NFKB1: variants seen among roughly 807,000 people sequenced by gnomAD.
NFKB1 encodes nuclear factor NF-kappa-B p105 subunit.
A neutral mutation model predicts 105.1 loss-of-function variants in NFKB1; 9 were observed. The ratio of observed to expected loss-of-function variants is 0.09; its 90% CI spans 0.05 to 0.15. NFKB1 has a LOEUF of 0.15. NFKB1 is among the 10% of genes least tolerant of loss of function. The pLI is 1.00. For missense variants in NFKB1, 830 were observed against 1,203.7 expected, an observed-to-expected ratio of 0.69 and a Z score of 4.59; for synonymous variants, 440 against 442.2, an observed-to-expected ratio of 1.00 and a Z score of 0.06.
intron 6 of NFKB1, among the ~76,000 whole-genome samples, chr4:102,576,178 G>A (rs553865850): frequency 2.0e-5 from 3 of 152,032 alleles, no homozygotes; most frequent in Admixed American, 6.6e-5. Flanking sequence ...CCCTGTTTAC[G>A]TGTATACTTA....
intron 1 of NFKB1, among the ~76,000 whole-genome samples, chr4:102,511,344 A>G (rs1396566352): frequency 6.6e-6 from 1 of 152,258 alleles, no homozygotes; most frequent in Non-Finnish European, 1.5e-5. Context: ...GAAATCCAGA[A>G]ATTCATGGAG....
intron 6 of NFKB1, among the ~76,000 whole-genome samples, chr4:102,574,242 A>G (rs1225205212): frequency 6.6e-6 from 1 of 151,334 alleles, no homozygotes; most frequent in Non-Finnish European, 1.5e-5. Flanking sequence ...AAGCTTTATC[A>G]GAGAGACCAG....
intron 6 of NFKB1, among the ~76,000 whole-genome samples, chr4:102,573,427 C>T (rs1430857338): frequency 1.3e-5 from 2 of 151,992 alleles, no homozygotes; most frequent in Non-Finnish European, 2.9e-5. Context: ...ATCTTTGTTC[C>T]TCTGTATATA....
intron 15 of NFKB1, among the ~76,000 whole-genome samples, chr4:102,599,629 A>C (rs766542296): frequency 5.9e-5 from 9 of 152,168 alleles, no homozygotes; most frequent in Non-Finnish European, 1.3e-4. Context: ...TGCTTAAGGG[A>C]TTAAGAGATG....
intron 12 of NFKB1, 101 bp from the exon 13 acceptor site, chr4:102,594,791 C>A: frequency 1.3e-6 from 1 of 773,402 alleles, no homozygotes. Context: ...ACTGTCCTGT[C>A]ACACCAAAGG....
chr4:102,607,695 T>A lies in NFKB1; in HGVS notation c.2171T>A (p.Leu724Gln). 6.2e-7 allele frequency: 1 copy of A among 1,614,154 alleles called. No homozygotes were observed. The highest frequency in any genetic ancestry group is 8.5e-7 in the Non-Finnish European group (1 of 1,180,030). Residue 724 changes from leucine to glutamine, a missense_variant, in exon 19 of 24, where the codon CTG becomes CAG. Around this residue, in one of 8 missense-constraint regions of NFKB1, gnomAD observed 418 missense variants for 575.3 expected, o/e 0.73. Coordinates refer to ENST00000226574, the MANE Select transcript of NFKB1 (RefSeq NM_003998.4). ...ACTACCTACGATGGAACCACACCCCTGCATATAGCAGCTGGGAGAGGGTCC... is the reference window on the plus strand; with the variant it reads ...ACTACCTACGATGGAACCACACCCCAGCATATAGCAGCTGGGAGAGGGTCC... ...DSTTYDGTTP[L>Q]HIAAGRGSTR...
At chr4:102,547,515 A>T (rs143069904) in intron 5 of NFKB1, among the ~76,000 whole-genome samples, 1 of 152,286 alleles carries the variant, frequency 6.6e-6, no homozygotes, top group African/African-American at 2.4e-5. Flanking sequence ...TAGTTTTGCG[A>T]CTTGCAGTGT....
intron 15 of NFKB1, among the ~76,000 whole-genome samples, chr4:102,598,315 T>C (rs1036626409): frequency 6.6e-6 from 1 of 152,198 alleles, no homozygotes; most frequent in East Asian, 1.9e-4. Context: ...TCATTGAGAC[T>C]TCTAAAATGA....
chr4:102,510,843 GGTA>G, intron 1 of NFKB1: 1 of 751,614 alleles, frequency 1.3e-6, no homozygotes, highest in Non-Finnish European at 1.8e-6. Flanking sequence ...GGGAGGTGGT[GGTA>G]GTATGAGCTG....
At position 102,501,684 on chromosome 4, in the gene NFKB1, G is replaced by C. The variant is rs1403040269; in HGVS notation, c.-112G>C. 1 of 151,834 alleles carries C rather than the reference G, an allele frequency of 6.6e-6. No homozygotes were observed. The highest frequency in any genetic ancestry group is 1.9e-4 in the East Asian group (1 of 5,184). The allele number at this position is 151,834 out of a possible 1,614,324, so 9.4% of individuals were successfully genotyped here. A position where few individuals can be genotyped will look rare whatever the true frequency, so the allele number is the denominator to read the frequency against. On this transcript the variant is annotated 5_prime_UTR_variant, in exon 1 of 24. Transcript: ENST00000226574. Reference sequence around the variant, plus strand: ...CCGACCCGCACTCGGGCCCGCCCGGGCTCCGGCCTGCCGCCGCCTCTTCCT... The same window carrying C: ...CCGACCCGCACTCGGGCCCGCCCGGCCTCCGGCCTGCCGCCGCCTCTTCCT...
At chr4:102,577,976 G>T in intron 7 of NFKB1, 1 of 985,378 alleles carries the variant, frequency 1.0e-6, no homozygotes, top group South Asian at 4.7e-5. Flanking sequence ...TCCAAATTCT[G>T]TAAGTTGGCT....
At chr4:102,552,878 A>G (rs980797973) in intron 5 of NFKB1, among the ~76,000 whole-genome samples, 3 of 152,140 alleles carry the variant, frequency 2.0e-5, no homozygotes, top group African/African-American at 7.2e-5. Flanking sequence ...TGTTTACATC[A>G]TAGTACGTAG....
intron 3 of NFKB1, among the ~76,000 whole-genome samples, chr4:102,530,342 T>C (rs1741206198): frequency 6.6e-6 from 1 of 152,120 alleles, no homozygotes; most frequent in African/African-American, 2.4e-5. Flanking sequence ...AATCATCTCA[T>C]TAGAAAAATC....
At chr4:102,578,330 T>C (rs529837949) in intron 7 of NFKB1, 2 of 153,022 alleles carry the variant, frequency 1.3e-5, no homozygotes, top group Admixed American at 6.5e-5. Context: ...ATATTATAGC[T>C]TAATTATGAC....
chr4:102,565,694 C>T (rs781720793), intron 5 of NFKB1, among the ~76,000 whole-genome samples: 68 of 152,198 alleles, frequency 4.5e-4, no homozygotes, highest in Non-Finnish European at 8.8e-4. Context: ...TCCCTCCCTC[C>T]GTCCCATCGT....
rs1553938888 is a variant in NFKB1, at chr4:102,613,430, T to TGG, written c.2602_2603dup (p.Thr869ValfsTer10). The TGG allele has an allele frequency of 6.2e-7, 1 of 1,613,838 alleles. No individual in the cohort carries two copies. Among genetic ancestry groups the TGG allele is most frequent in the Non-Finnish European group, 8.5e-7 (1 of 1,179,922 alleles). ...CCTTCCTTTCTTTCTCACAGGTCTC[T>TGG]GGGGGTACAGTCAGAGAGCTGGTGG... is the stretch of plus-strand genomic sequence containing the variant. On this transcript the variant is annotated frameshift_variant, in exon 23 of 24. Coordinates refer to ENST00000226574, the MANE Select transcript of NFKB1 (RefSeq NM_003998.4). LOFTEE classifies it high-confidence loss of function.
At position 102,537,934 on chromosome 4, in the gene NFKB1, A is replaced by G; in HGVS notation, c.236A>G (p.Lys79Arg). 9 of 1,610,208 alleles carry G rather than the reference A, an allele frequency of 5.6e-6. No individual in the cohort carries two copies. The highest frequency in any genetic ancestry group is 7.6e-6 in the Non-Finnish European group (9 of 1,176,678). Reference protein sequence around the residue: ...GLPGASSEKNKKSYPQVKICN... With the variant: ...GLPGASSEKNRKSYPQVKICN... ...CCTGGTGCCTCTAGTGAAAAGAACA[A>G]GAAGTCTTACCCTCAGGTCAAAGTA... The change falls in exon 5 of 24, where the codon AAG becomes AGG. Residue 79 changes from lysine (K) to arginine (R), a missense_variant. By Grantham distance (26) the Lys-to-Arg change is conservative (BLOSUM62 2). Transcript: ENST00000226574.
At chr4:102,513,530 G>A (rs1739912697) in intron 1 of NFKB1, among the ~76,000 whole-genome samples, 1 of 152,094 alleles carries the variant, frequency 6.6e-6, no homozygotes. Context: ...TATGGAACAC[G>A]TTGGAATGCA....
At chr4:102,520,077 C>CT (rs992242936) in intron 1 of NFKB1, among the ~76,000 whole-genome samples, 10 of 152,134 alleles carry the variant, frequency 6.6e-5, no homozygotes, top group African/African-American at 2.4e-4. Context: ...CATCTGTAGC[C>CT]TCTATACACT....
Sources: gnomAD v4.1 joint callset for allele counts (sites outside exome capture counted in the v4.1 genomes callset) on GRCh38, gnomAD v4.1.1 for gene constraint, gnomAD v4.1.1 regional missense constraint, MANE v1.5 for transcripts, NCBI Gene and HGNC (gene_info 2026-07-23, HGNC 2026-07-21) for gene names.